MAD1L1: variants seen among roughly 807,000 people sequenced by gnomAD.
MAD1L1 encodes the protein mitotic spindle assembly checkpoint protein MAD1.
MAD1L1 carries 95 observed loss-of-function variants against 96.9 expected under a neutral mutation model. That is an observed-to-expected ratio of 0.98 (90% CI 0.83 to 1.16). The LOEUF is 1.16. MAD1L1 is among the 50% of genes most tolerant of loss of function. The pLI is 0.00. For missense variants in MAD1L1, 1,007 were observed against 954.4 expected (o/e 1.06, Z -0.73); for synonymous variants, 473 against 396.6 (o/e 1.19, Z -2.29).
At chr7:2,118,519 C>G (rs926291292) in intron 11 of MAD1L1, among the ~76,000 whole-genome samples, 2 of 152,202 alleles carry the variant, frequency 1.3e-5, no homozygotes, top group Non-Finnish European at 2.9e-5. Context: ...GGCATGAACG[C>G]GGCAAGATAC....
At chr7:1,955,022 C>G (rs1389447484) in intron 16 of MAD1L1, among the ~76,000 whole-genome samples, 1 of 152,244 alleles carries the variant, frequency 6.6e-6, no homozygotes, top group African/African-American at 2.4e-5. Flanking sequence ...GCACGAAGAC[C>G]TCCCAGGCCT....
intron 12 of MAD1L1, among the ~76,000 whole-genome samples, chr7:2,028,819 C>G (rs530981241): frequency 6.6e-6 from 1 of 152,208 alleles, no homozygotes; most frequent in African/African-American, 2.4e-5. Flanking sequence ...GCGGAAGGAG[C>G]AGCTTTGCAG....
intron 17 of MAD1L1, among the ~76,000 whole-genome samples, chr7:1,920,898 A>C (rs963184128): frequency 1.3e-5 from 2 of 148,400 alleles, no homozygotes; most frequent in Non-Finnish European, 2.9e-5. Flanking sequence ...AATAAAAAAG[A>C]TTCACGGGAC....
At chr7:2,102,411 A>G (rs1786852299) in intron 11 of MAD1L1, among the ~76,000 whole-genome samples, 1 of 145,344 alleles carries the variant, frequency 6.9e-6, no homozygotes, top group African/African-American at 2.6e-5. Flanking sequence ...CACTCTCACC[A>G]TGTCACCATC....
intron 16 of MAD1L1, among the ~76,000 whole-genome samples, chr7:1,953,440 G>A (rs1779589169): frequency 6.6e-6 from 1 of 152,174 alleles, no homozygotes; most frequent in South Asian, 2.1e-4. Flanking sequence ...AGCCGCACTG[G>A]GGGGCTCCAC....
intron 14 of MAD1L1, among the ~76,000 whole-genome samples, chr7:1,981,524 G>C (rs1231519020): frequency 1.3e-5 from 2 of 152,126 alleles, no homozygotes; most frequent in African/African-American, 4.8e-5. Context: ...GATCCGATGG[G>C]TTTAGGGAGG....
chr7:1,945,190 T>C (rs1360929850), intron 16 of MAD1L1, among the ~76,000 whole-genome samples: 7 of 152,236 alleles, frequency 4.6e-5, no homozygotes, highest in Non-Finnish European at 2.9e-5. Context: ...TGACTGCTGT[T>C]GCCAGCGGGA....
chr7:2,118,676 T>A (rs1460231795), intron 11 of MAD1L1, among the ~76,000 whole-genome samples: 2 of 152,022 alleles, frequency 1.3e-5, no homozygotes, highest in Non-Finnish European at 2.9e-5. Flanking sequence ...CCTGCCCACA[T>A]ACTGCTGCCC....
At chr7:2,010,306 G>T (rs1782237879) in intron 13 of MAD1L1, among the ~76,000 whole-genome samples, 2 of 152,082 alleles carry the variant, frequency 1.3e-5, no homozygotes, top group South Asian at 4.1e-4. Flanking sequence ...GGGGAGGAAG[G>T]GAAGACGGAA....
At chr7:2,165,991 G>T (rs1790411341) in intron 10 of MAD1L1, among the ~76,000 whole-genome samples, 1 of 152,186 alleles carries the variant, frequency 6.6e-6, no homozygotes, top group South Asian at 2.1e-4. Context: ...AAGTCCTGGG[G>T]TCCATACTGA....
intron 13 of MAD1L1, among the ~76,000 whole-genome samples, chr7:2,011,351 G>A (rs1438000575): frequency 6.6e-6 from 1 of 152,188 alleles, no homozygotes; most frequent in East Asian, 1.9e-4. Flanking sequence ...ACCTTCCCTG[G>A]AGCATAGCAC....
chr7:1,895,247 G>A (rs1186554804), intron 18 of MAD1L1, among the ~76,000 whole-genome samples: 1 of 152,200 alleles, frequency 6.6e-6, no homozygotes, highest in Admixed American at 6.5e-5. Context: ...ATGGACCAAG[G>A]TGGGGTCTTG....
intron 17 of MAD1L1, among the ~76,000 whole-genome samples, chr7:1,900,786 G>A (rs937796544): frequency 6.6e-6 from 1 of 152,204 alleles, no homozygotes; most frequent in African/African-American, 2.4e-5. Context: ...CCTTGGAGAA[G>A]GAAACAGCCC....
At chr7:1,957,427 G>A (rs985500896) in intron 16 of MAD1L1, among the ~76,000 whole-genome samples, 6 of 152,260 alleles carry the variant, frequency 3.9e-5, no homozygotes, top group Non-Finnish European at 8.8e-5. Flanking sequence ...GGGCCGCAGA[G>A]GACTCCAGAG....
At chr7:2,174,109 CATGCCTGGCCAGG>C (rs955868233) in intron 10 of MAD1L1, among the ~76,000 whole-genome samples, 2 of 152,200 alleles carry the variant, frequency 1.3e-5, no homozygotes, top group African/African-American at 4.8e-5. Flanking sequence ...TATGAAGCAC[CATGCCTGGCCAGG>C]ATGACTGACT....
chr7:2,129,034 G>A (rs1788377619), intron 11 of MAD1L1, among the ~76,000 whole-genome samples: 1 of 152,244 alleles, frequency 6.6e-6, no homozygotes, highest in African/African-American at 2.4e-5. Flanking sequence ...GCAGAGTGGA[G>A]GTGGTGCACG....
chr7:2,144,830 G>A (rs934763087), intron 11 of MAD1L1, among the ~76,000 whole-genome samples: 70 of 152,214 alleles, frequency 4.6e-4, no homozygotes, highest in African/African-American at 1.5e-3. Flanking sequence ...TCTAAGAGCC[G>A]AAACGAGGCT....
Position 2,213,217 on chromosome 7 carries a change from G to C in MAD1L1, c.981C>G (p.Ser327Arg). The change falls in exon 10 of 19, where the codon AGC (serine) becomes AGG (arginine). Residue 327 changes from serine to arginine, a missense_variant. By Grantham distance (110) the Ser-to-Arg change is moderately radical. Transcript: ENST00000265854. Reference sequence around the variant, plus strand: ...AGACACCTGCCCTTCCCTACCTGATGCTCAGGCCCATGGTCTGGTCCAGTC... The same window carrying C: ...AGACACCTGCCCTTCCCTACCTGATCCTCAGGCCCATGGTCTGGTCCAGTC... ...WERLDQTMGL[S>R]IRTPEDLSRF... The C allele has an allele frequency of 6.2e-7, 1 of 1,614,106 alleles. No homozygotes were observed. The highest frequency in any genetic ancestry group is 2.2e-5 in the East Asian group (1 of 44,884).
intron 10 of MAD1L1, among the ~76,000 whole-genome samples, chr7:2,202,399 C>T (rs946438846): frequency 1.3e-5 from 2 of 152,240 alleles, no homozygotes; most frequent in Admixed American, 6.5e-5. Flanking sequence ...GCAGCACACT[C>T]GCCACTCTCC....
Sources: gnomAD v4.1 joint callset for allele counts (sites outside exome capture counted in the v4.1 genomes callset) on GRCh38, gnomAD v4.1.1 for gene constraint, MANE v1.5 for transcripts, NCBI Gene and HGNC (gene_info 2026-07-23, HGNC 2026-07-21) for gene names.